FADS2: variants seen among roughly 807,000 people sequenced by gnomAD.
The protein encoded by FADS2 is acyl-CoA 6-desaturase.
Under a neutral mutation model 61.2 loss-of-function variants are expected in FADS2, and 18 were observed. The ratio of observed to expected loss-of-function variants is 0.29; its 90% CI spans 0.20 to 0.44. The LOEUF (loss-of-function observed/expected upper bound fraction) is 0.44, where lower values mean the gene tolerates loss of function less well. Ranked by LOEUF, FADS2 falls within the 20% of genes least tolerant of loss-of-function variation. The pLI is 1.00. For missense variants in FADS2, 322 were observed against 572.7 expected, an observed-to-expected ratio of 0.56 and a Z score of 4.47; for synonymous variants, 203 against 223.9, an observed-to-expected ratio of 0.91 and a Z score of 0.83.
rs2066990295 is a variant in FADS2 at position 61,816,862 on chromosome 11, A to G, written c.141+436A>G. ...GATTTGCTGGCGCGCGCCCAGAGCC[A>G]GCCGCCTGCGCGCCGGGTTTTCAGC... On this transcript the variant is annotated intron_variant, in intron 1 of 11. Transcript: ENST00000257261. The surrounding 1 kb of genome is among the most constrained non-coding windows in gnomAD (Gnocchi z 7.0). 6.1e-6 allele frequency: 9 copies of G among 1,480,128 alleles called. No homozygotes were observed. Among genetic ancestry groups the G allele is most frequent in the Non-Finnish European group, 7.1e-6 (8 of 1,126,112 alleles). 91.7% of individuals were successfully genotyped at this position (1,480,128 alleles called of 1,614,324 possible). A position where few individuals can be genotyped will look rare whatever the true frequency, so the allele number is the denominator to read the frequency against.
At chr11:61,826,321 G>T (rs1002936623), upstream of FADS2, 15 of 702,402 alleles carry the variant, frequency 2.1e-5, no homozygotes, top group East Asian at 4.0e-4. Context: ...AGCCGCTGGG[G>T]ACCCCAGGCC....
At position 61,829,017 on chromosome 11, in the gene FADS2, C is replaced by G. The variant is rs542326074; in HGVS notation, c.207+420C>G. On this transcript the variant is annotated intron_variant, in intron 1 of 11. Transcript: ENST00000278840. ...CTGAAAGGAGCGGGAGCGCAGGCAG[C>G]CAGGTGTGGGACTCCGCGCTTGTCC... Among the ~76,000 whole-genome samples, 10 of 152,354 alleles carry G rather than the reference C, an allele frequency of 6.6e-5. No individual in the cohort carries two copies. In the East Asian group the frequency reaches 1.9e-3, roughly 29 times the overall value.
At chr11:61,843,853 G>T (rs1214486374) in intron 4 of FADS2, among the ~76,000 whole-genome samples, 1 of 152,016 alleles carries the variant, frequency 6.6e-6, no homozygotes, top group African/African-American at 2.4e-5. Flanking sequence ...TAGAGATGGG[G>T]TTTCTCCATG....
rs370880059 is a variant in FADS2, at chr11:61,862,861, C to T, written c.883-111C>T. On this transcript the variant is annotated intron_variant, in intron 7 of 11. Transcript: ENST00000278840. Reference sequence around the variant, plus strand: ...TTGCCCATTGCATTTCAGTGGGCTGCGGTCCAGCTTCTAGAGGCCTGAGTG... The same window carrying T: ...TTGCCCATTGCATTTCAGTGGGCTGTGGTCCAGCTTCTAGAGGCCTGAGTG... 9.2e-4 allele frequency: 758 copies of T among 819,646 alleles called. 10 individuals are homozygous for T. In the African/African-American group the frequency reaches 0.011, roughly 12 times the overall value. 50.8% of individuals were successfully genotyped at this position (819,646 alleles called of 1,614,324 possible).
intron 7 of FADS2, among the ~76,000 whole-genome samples, chr11:61,857,906 G>A (rs996934662): frequency 5.9e-5 from 9 of 152,244 alleles, no homozygotes; most frequent in South Asian, 2.1e-4. Context: ...GCAGCTGGGC[G>A]TTGGCTGAGA....
chr11:61,831,669 T>C (rs550816409), intron 1 of FADS2, among the ~76,000 whole-genome samples: 1 of 152,302 alleles, frequency 6.6e-6, no homozygotes, highest in African/African-American at 2.4e-5. Context: ...CATTCATATG[T>C]ATCACTTCAT....
intron 1 of FADS2, among the ~76,000 whole-genome samples, chr11:61,834,599 G>A (rs1466487718): frequency 6.6e-6 from 1 of 152,226 alleles, no homozygotes; most frequent in African/African-American, 2.4e-5. Flanking sequence ...CGACTGCAGG[G>A]TTCGGGTGTT....
chr11:61,836,718 C>G (rs1318526356), intron 1 of FADS2, among the ~76,000 whole-genome samples: 3 of 152,224 alleles, frequency 2.0e-5, no homozygotes, highest in Admixed American at 2.0e-4. Context: ...CTAGACCATG[C>G]TTCCGTACTT....
intron 4 of FADS2, among the ~76,000 whole-genome samples, chr11:61,844,794 A>G (rs1184805139): frequency 3.3e-5 from 5 of 150,076 alleles, no homozygotes; most frequent in Non-Finnish European, 7.4e-5. Flanking sequence ...GCGTGGTGGC[A>G]CACGCCTGCA....
At chr11:61,824,394 AAGAGAG>A (rs1193068439), upstream of FADS2, among the ~76,000 whole-genome samples, 160 of 17,380 alleles carry the variant, frequency 9.2e-3, 3 homozygotes, top group South Asian at 0.044. Context: ...GGGAAAAAAA[AAGAGAG>A]AGAGAGAGAG....
intron 1 of FADS2, among the ~76,000 whole-genome samples, chr11:61,834,135 T>G (rs1157964819): frequency 6.6e-6 from 1 of 152,150 alleles, no homozygotes; most frequent in African/African-American, 2.4e-5. Context: ...TTGGAGGTGA[T>G]GTTGAGGCTG....
At chr11:61,859,181 C>T (rs910228799) in intron 7 of FADS2, among the ~76,000 whole-genome samples, 6 of 152,076 alleles carry the variant, frequency 3.9e-5, no homozygotes, top group Non-Finnish European at 7.4e-5. Flanking sequence ...CCTCAGCCTC[C>T]GAAGTAGCTG....
At position 61,862,955 on chromosome 11, in the gene FADS2, T is replaced by C. The variant is rs2135980835; in HGVS notation, c.883-17T>C. ...GAGGAGAGGGCAGGTTGCACCTAAC[T>C]TCATCTTTCCCCGCAGGACCTGGCC... On this transcript the variant is annotated splice_polypyrimidine_tract_variant and intron_variant, in intron 7 of 11. Transcript: ENST00000278840. 2 of 1,611,442 alleles carry C rather than the reference T, an allele frequency of 1.2e-6. No individual in the cohort carries two copies. Among genetic ancestry groups the C allele is most frequent in the Non-Finnish European group, 1.7e-6 (2 of 1,177,550 alleles).
At chr11:61,848,033 G>C in intron 4 of FADS2, 126 bp from the exon 5 acceptor site, 3 of 1,111,404 alleles carry the variant, frequency 2.7e-6, no homozygotes, top group Non-Finnish European at 2.6e-6. Context: ...CTGGCCTTGT[G>C]GGGGCCTGAA....
At chr11:61,831,488 C>T (rs2067128364) in intron 1 of FADS2, among the ~76,000 whole-genome samples, 1 of 152,128 alleles carries the variant, frequency 6.6e-6, no homozygotes, top group Admixed American at 6.5e-5. Context: ...TCGGGACAAT[C>T]AGGGGCCTCA....
chr11:61,823,050 A>T (rs1331070182), intron 1 of FADS2, among the ~76,000 whole-genome samples: 1 of 152,226 alleles, frequency 6.6e-6, no homozygotes, highest in East Asian at 1.9e-4. Flanking sequence ...AGCACTTAGT[A>T]TGCATTCCTT....
rs191168081 is a variant in FADS2, at chr11:61,864,138, C to T, written c.1157+352C>T. 3.6e-4 allele frequency: 88 copies of T among 247,848 alleles called. 2 individuals carry two copies. The highest frequency in any genetic ancestry group is 5.5e-4 in the Non-Finnish European group (71 of 129,718). The allele number at this position is 247,848 out of a possible 1,614,324, so 15.4% of individuals were successfully genotyped here. On this transcript the variant is annotated intron_variant, in intron 10 of 11. Transcript: ENST00000278840. ...TACGTAGCTTGCCTGGAACATCGGC[C>T]GAGGGACTGCCCTGCTGCCCCTTGT...
intron 1 of FADS2, among the ~76,000 whole-genome samples, chr11:61,835,595 G>A (rs201487008): frequency 2.7e-5 from 4 of 148,746 alleles, no homozygotes; most frequent in South Asian, 2.1e-4. Flanking sequence ...TAGTAGAGAC[G>A]GGGTTTCACC....
Position 61,856,728 on chromosome 11 carries a change from T to A in FADS2, c.745-283T>A, listed in dbSNP as rs1591178802. 1.3e-5 allele frequency: 6 copies of A among 461,238 alleles called. No homozygotes were observed. The East Asian group carries it at 2.0e-4, about 16-fold the overall frequency. 28.6% of individuals were successfully genotyped at this position (461,238 alleles called of 1,614,324 possible). A position where few individuals can be genotyped will look rare whatever the true frequency, so the allele number is the denominator to read the frequency against. ...GTGGCCTTGGGCCATGGCTTAACGC[T>A]GAGCCTCAGCCTCAGAAGTGCCGGC... On this transcript the variant is annotated intron_variant, in intron 5 of 11. Coordinates refer to ENST00000278840, the MANE Select transcript of FADS2 (RefSeq NM_004265.4).
Sources: gnomAD v4.1 joint callset for allele counts (sites outside exome capture counted in the v4.1 genomes callset) on GRCh38, gnomAD v4.1.1 for gene constraint, Gnocchi (gnomAD v3.1) non-coding constraint, MANE v1.5 for transcripts, NCBI Gene and HGNC (gene_info 2026-07-23, HGNC 2026-07-21) for gene names.